Variants in GPR19 observed in about 807,000 individuals in gnomAD.
GPR19 encodes the protein probable G protein-coupled receptor 19.
In GPR19, 14 loss-of-function variants were observed where a neutral mutation model predicts 28.5. That is an observed-to-expected ratio of 0.49 (90% CI 0.32 to 0.77). The LOEUF (loss-of-function observed/expected upper bound fraction) is 0.77, where lower values mean the gene tolerates loss of function less well. GPR19 is among the 30% of genes least tolerant of loss of function. The probability of loss-of-function intolerance (pLI) is 0.03; values close to 1 mark genes in which losing one functional copy is unlikely to be tolerated. For missense variants in GPR19, 409 were observed against 504.1 expected (o/e 0.81, Z 1.81); for synonymous variants, 173 against 184.1 (o/e 0.94, Z 0.49).
chr12:12,697,377 A>C (rs1235794419), upstream of GPR19, among the ~76,000 whole-genome samples: 1 of 31,504 alleles, frequency 3.2e-5, no homozygotes, highest in East Asian at 7.8e-4. Context: ...TTTGAAAACA[A>C]AAAAAAAGGC....
intron 3 of GPR19, among the ~76,000 whole-genome samples, chr12:12,680,111 C>T (rs140365833): frequency 6.6e-6 from 1 of 152,170 alleles, no homozygotes; most frequent in East Asian, 1.9e-4. Context: ...TTTTATACTG[C>T]TTTATATTTT....
intron 2 of GPR19, among the ~76,000 whole-genome samples, chr12:12,691,726 C>T (rs528910531): frequency 1.3e-5 from 2 of 152,262 alleles, no homozygotes; most frequent in Admixed American, 1.3e-4. Context: ...CGACAGTGTA[C>T]CAGCACACTG....
intron 3 of GPR19, among the ~76,000 whole-genome samples, chr12:12,672,581 T>C (rs549078783): frequency 6.6e-6 from 1 of 152,268 alleles, no homozygotes; most frequent in South Asian, 2.1e-4. Flanking sequence ...AACTCATCTC[T>C]ACTAAAAATA....
intron 2 of GPR19, among the ~76,000 whole-genome samples, chr12:12,690,527 G>GAGAAAGAGT (rs1946166651): frequency 6.6e-6 from 1 of 152,130 alleles, no homozygotes; most frequent in Non-Finnish European, 1.5e-5. Context: ...CTTTCTCTAG[G>GAGAAAGAGT]AGACCACATG....
At chr12:12,704,697 G>A in the GPR19 span, among the ~76,000 whole-genome samples, 1 of 152,128 alleles carries the variant, frequency 6.6e-6, no homozygotes, top group Non-Finnish European at 1.5e-5. Flanking sequence ...GTTGTGGTTT[G>A]GAATAGTTGC....
the GPR19 span, among the ~76,000 whole-genome samples, chr12:12,714,194 CTG>C: frequency 2.0e-5 from 3 of 152,164 alleles, no homozygotes; most frequent in Non-Finnish European, 4.4e-5. Context: ...AAGGAGATGA[CTG>C]TGAAATTCCC....
chr12:12,700,409 A>G (rs1399318558), upstream of GPR19, among the ~76,000 whole-genome samples: 1 of 152,072 alleles, frequency 6.6e-6, no homozygotes, highest in Non-Finnish European at 1.5e-5. Flanking sequence ...AATGTTTCCC[A>G]TATGATGTTG....
intron 2 of GPR19, chr12:12,688,763 CA>C (rs1328663631): frequency 6.6e-6 from 1 of 152,254 alleles, no homozygotes; most frequent in Non-Finnish European, 1.5e-5. Flanking sequence ...CAGCAGGGGC[CA>C]GGGGTACTGA....
the GPR19 span, among the ~76,000 whole-genome samples, chr12:12,705,272 G>A: frequency 6.3e-4 from 96 of 152,006 alleles, 1 homozygote; most frequent in Middle Eastern, 0.017. Context: ...AGCTGAGATC[G>A]TGCTATTGCA....
chr12:12,707,989 CTTTTTTTTTTTTTT>C, the GPR19 span, among the ~76,000 whole-genome samples: 31 of 62,468 alleles, frequency 5.0e-4, no homozygotes, highest in East Asian at 4.6e-3. Context: ...ATTTCCTATT[CTTTTTTTTTTTTTT>C]TTTTTTTTTT....
At chr12:12,709,383 TC>T in the GPR19 span, among the ~76,000 whole-genome samples, 1 of 152,194 alleles carries the variant, frequency 6.6e-6, no homozygotes, top group Non-Finnish European at 1.5e-5. Context: ...TTTTTTTCTT[TC>T]TTCTGACACT....
At chr12:12,706,028 G>A in the GPR19 span, among the ~76,000 whole-genome samples, 3 of 152,192 alleles carry the variant, frequency 2.0e-5, no homozygotes, top group Non-Finnish European at 2.9e-5. Flanking sequence ...CTGGTTTCCT[G>A]ATCAGAACCC....
At chr12:12,669,712 G>A (rs1383161146) in intron 3 of GPR19, among the ~76,000 whole-genome samples, 3 of 152,146 alleles carry the variant, frequency 2.0e-5, no homozygotes, top group Non-Finnish European at 4.4e-5. Flanking sequence ...AGAGCCAGTT[G>A]TTAAACATTT....
upstream of GPR19, among the ~76,000 whole-genome samples, chr12:12,696,936 C>T (rs10744001): frequency 1.3e-5 from 2 of 152,096 alleles, no homozygotes; most frequent in Admixed American, 6.5e-5. Context: ...GAAGATGTTT[C>T]TAATGAACCT....
the GPR19 span, among the ~76,000 whole-genome samples, chr12:12,708,712 C>T: frequency 2.0e-5 from 3 of 152,190 alleles, no homozygotes; most frequent in Non-Finnish European, 1.5e-5. Context: ...CAATTGTGGT[C>T]TTATGAGGAT....
At position 12,691,077 on chromosome 12, in the gene GPR19, T is replaced by C. The variant is rs936750411; in HGVS notation, c.-180+4382A>G. Among the ~76,000 whole-genome samples the C allele has an allele frequency of 1.8e-4, 28 of 152,142 alleles. 1 individual carries two copies. Among genetic ancestry groups the C allele is most frequent in the Admixed American group, 6.5e-5 (1 of 15,268 alleles). ...GATTTTAATTGTGATGCAGAAGTTATAGTAACAAACATTTGGTTTTGTACA... is the reference window on the plus strand; with the variant it reads ...GATTTTAATTGTGATGCAGAAGTTACAGTAACAAACATTTGGTTTTGTACA... On this transcript the variant is annotated intron_variant, in intron 2 of 3. Coordinates refer to ENST00000651487, the MANE Select transcript of GPR19 (RefSeq NM_006143.3).
chr12:12,661,960 C>T lies in GPR19; in HGVS notation c.489G>A (p.Arg163=). ...TCAGAGGATAGACGATGGTGTAGAA[C>T]CGGTCTATGCAGATGGAGAGGAGAA... ...IYVLLSICID[R]FYTIVYPLSF... The change falls in exon 4 of 4, where the codon CGG becomes CGA. Residue 163 remains arginine (R), a synonymous_variant. Coordinates refer to ENST00000651487, the MANE Select transcript of GPR19 (RefSeq NM_006143.3). This position sits in a 1 kb window ranked among gnomAD's most constrained non-coding sequence, Gnocchi z 4.2. 7 of 1,614,046 alleles carry T rather than the reference C, an allele frequency of 4.3e-6. No homozygotes were observed. The highest frequency in any genetic ancestry group is 5.1e-6 in the Non-Finnish European group (6 of 1,179,984).
rs567553551 is a variant in GPR19, at chr12:12,670,198, G to A, written c.-22-7728C>T. 2.6e-5 allele frequency among the ~76,000 whole-genome samples: 4 copies of A among 152,340 alleles called. No homozygotes were observed. The East Asian group carries it at 7.7e-4, about 29-fold the overall frequency. Reference sequence around the variant, plus strand: ...TAAAATACAGGATGCCCAGGTAAATGTGAATTTCAGATAAATAACAAATAA... The same window carrying A: ...TAAAATACAGGATGCCCAGGTAAATATGAATTTCAGATAAATAACAAATAA... On this transcript the variant is annotated intron_variant, in intron 3 of 3. Coordinates refer to ENST00000651487, the MANE Select transcript of GPR19 (RefSeq NM_006143.3).
chr12:12,689,409 A>C (rs1946149851), intron 2 of GPR19, among the ~76,000 whole-genome samples: 1 of 152,232 alleles, frequency 6.6e-6, no homozygotes, highest in Non-Finnish European at 1.5e-5. Context: ...CATCAGTGCC[A>C]CAAGGATATG....
Sources: allele counts gnomAD v4.1 joint callset (sites outside exome capture counted in the v4.1 genomes callset), GRCh38; gene constraint gnomAD v4.1.1; non-coding constraint Gnocchi (gnomAD v3.1); transcripts MANE v1.5; gene names NCBI Gene and HGNC (gene_info 2026-07-23, HGNC 2026-07-21).